Variants in HTT observed in about 807,000 individuals in gnomAD.
HTT encodes the protein huntingtin, also known as huntington disease protein.
Under a neutral mutation model 362.3 loss-of-function variants are expected in HTT, and 104 were observed. The ratio of observed to expected loss-of-function variants is 0.29; its 90% CI spans 0.24 to 0.34. The LOEUF is 0.34. Ranked by LOEUF, HTT falls within the 10% of genes least tolerant of loss-of-function variation. The pLI is 1.00. For missense variants in HTT, 3,301 were observed against 3,928.6 expected (o/e 0.84, Z 4.27); for synonymous variants, 1,577 against 1,548.7 (o/e 1.02, Z -0.43).
intron 29 of HTT, among the ~76,000 whole-genome samples, chr4:3,161,944 A>G (rs1717468276): frequency 6.6e-6 from 1 of 152,138 alleles, no homozygotes; most frequent in Non-Finnish European, 1.5e-5. Context: ...CCGTTTGTCA[A>G]TTTTGGCTTT....
At position 3,211,926 on chromosome 4, in the gene HTT, CAGG is replaced by C; in HGVS notation, c.6415_6417del (p.Glu2139del). ...TTGTTAACCTTTAATGCTCTGATTT[CAGG>C]AGTTCAACCTAAGCCTGCTAGCTCC... On this transcript the variant is annotated splice_acceptor_variant and coding_sequence_variant, in exon 48 of 67. Coordinates refer to ENST00000355072, the MANE Select transcript of HTT (RefSeq NM_001388492.1). LOFTEE classifies it high-confidence loss of function. The C allele has an allele frequency of 6.2e-7, 1 of 1,610,416 alleles. No individual in the cohort carries two copies. Among genetic ancestry groups the C allele is most frequent in the Non-Finnish European group, 8.5e-7 (1 of 1,176,680 alleles).
chr4:3,206,573 C>A lies in HTT; in HGVS notation c.5796C>A (p.His1932Gln). 1 of 1,614,072 alleles carries A rather than the reference C, an allele frequency of 6.2e-7. No homozygotes were observed. The highest frequency in any genetic ancestry group is 8.5e-7 in the Non-Finnish European group (1 of 1,179,956). Residue 1932 changes from histidine to glutamine, a missense_variant, in exon 43 of 67, where the codon CAC becomes CAA. Around this residue, in one of 4 missense-constraint regions of HTT, gnomAD observed 2,316 missense variants for 2,658.5 expected, o/e 0.87. Transcript: ENST00000355072. This position sits in a 1 kb window ranked among gnomAD's most constrained non-coding sequence, Gnocchi z 4.6. ...NHIQDLISLS[H>Q]EPPVQDFISA... ...TTCAAGATCTGATCAGCCTTTCCCACGAGCCTCCAGTACAGGACTTCATCA... is the reference window on the plus strand; with the variant it reads ...TTCAAGATCTGATCAGCCTTTCCCAAGAGCCTCCAGTACAGGACTTCATCA...
At chr4:3,225,359 C>G (rs1187329128) in intron 56 of HTT, among the ~76,000 whole-genome samples, 1 of 152,222 alleles carries the variant, frequency 6.6e-6, no homozygotes, top group Non-Finnish European at 1.5e-5. Flanking sequence ...AGCCCACAAC[C>G]AGTTCCTATT....
chr4:3,119,129 T>C (rs997351317), intron 8 of HTT, among the ~76,000 whole-genome samples: 7 of 152,234 alleles, frequency 4.6e-5, no homozygotes, highest in Admixed American at 3.9e-4. Flanking sequence ...CACCTAGGCA[T>C]GCAGTAAAAG....
intron 59 of HTT, among the ~76,000 whole-genome samples, chr4:3,229,336 GCAC>G (rs1721105314): frequency 1.7e-5 from 2 of 117,412 alleles, no homozygotes; most frequent in African/African-American, 6.9e-5. Flanking sequence ...CACACCACAT[GCAC>G]CACACCACAC....
intron 26 of HTT, among the ~76,000 whole-genome samples, chr4:3,149,721 T>G (rs1716785671): frequency 6.6e-6 from 1 of 152,210 alleles, no homozygotes; most frequent in Non-Finnish European, 1.5e-5. Flanking sequence ...GCCATCAGTC[T>G]TCTCCCTTCT....
rs1712401194 is a variant in HTT, at chr4:3,074,923, A to AGCG, written c.100_101insGGC (p.Gln33_Gln34insArg). ...CAGCAGCAGCAGCAGCAGCAGCAGC[A>AGCG]GCAGCAGCAGCAACAGCCGCCACCG... On this transcript the variant is annotated inframe_insertion, in exon 1 of 67. Coordinates refer to ENST00000355072, the MANE Select transcript of HTT (RefSeq NM_001388492.1). 6.8e-7 allele frequency: 1 copy of AGCG among 1,468,668 alleles called. No homozygotes were observed. The highest frequency in any genetic ancestry group is 2.1e-5 in the Admixed American group (1 of 47,448). The allele number at this position is 1,468,668 out of a possible 1,614,324, so 91.0% of individuals were successfully genotyped here.
intron 28 of HTT, among the ~76,000 whole-genome samples, chr4:3,160,053 C>G (rs538859377): frequency 6.6e-6 from 1 of 152,296 alleles, no homozygotes; most frequent in South Asian, 2.1e-4. Context: ...CCAGTGTAAC[C>G]TGAAAGCCTT....
At chr4:3,230,423 C>T (rs941216546) in intron 60 of HTT, among the ~76,000 whole-genome samples, 2 of 152,184 alleles carry the variant, frequency 1.3e-5, no homozygotes, top group African/African-American at 2.4e-5. Context: ...GCCTCACTCC[C>T]CTTCTCAGTT....
rs776065368 is a variant in HTT at position 3,238,910 on chromosome 4, C to T, written c.9147C>T (p.Val3049=). ...CCAACTTCACGCAGAGGGCCCCGGTCGCCATGGCCACGTGGAGCCTCTCCT... is the reference window on the plus strand; with the variant it reads ...CCAACTTCACGCAGAGGGCCCCGGTTGCCATGGCCACGTGGAGCCTCTCCT... The part of the protein sequence containing the change: ...SLSNFTQRAP[V]AMATWSLSCF... The change falls in exon 66 of 67, where the codon GTC becomes GTT. Residue 3049 remains valine, a synonymous_variant. Coordinates refer to ENST00000355072, the MANE Select transcript of HTT (RefSeq NM_001388492.1). The T allele has an allele frequency of 3.1e-6, 5 of 1,611,408 alleles. 1 individual carries two copies. The highest frequency in any genetic ancestry group is 1.3e-5 in the African/African-American group (1 of 75,012).
chr4:3,174,339 T>G (rs1718131337), intron 31 of HTT, among the ~76,000 whole-genome samples: 1 of 152,240 alleles, frequency 6.6e-6, no homozygotes, highest in African/African-American at 2.4e-5. Flanking sequence ...ATGTAAATAT[T>G]TTAAAGGCTT....
At chr4:3,224,593 C>G (rs1720822961) in intron 56 of HTT, among the ~76,000 whole-genome samples, 4 of 152,168 alleles carry the variant, frequency 2.6e-5, no homozygotes, top group Admixed American at 2.6e-4. Flanking sequence ...TCCCACCAAG[C>G]CTTCCGGTTG....
intron 51 of HTT, among the ~76,000 whole-genome samples, chr4:3,215,983 C>T (rs929290337): frequency 2.6e-5 from 4 of 152,204 alleles, no homozygotes; most frequent in African/African-American, 4.8e-5. Context: ...GGTGCCTCAC[C>T]TGGAGCCTGT....
chr4:3,208,437 A>G (rs1312939273), intron 45 of HTT, among the ~76,000 whole-genome samples: 3 of 152,236 alleles, frequency 2.0e-5, no homozygotes, highest in Non-Finnish European at 2.9e-5. Context: ...TCTGTTTTAC[A>G]TTTATTAAGA....
intron 18 of HTT, among the ~76,000 whole-genome samples, chr4:3,133,800 C>G (rs890269954): frequency 5.3e-5 from 8 of 152,186 alleles, no homozygotes; most frequent in Non-Finnish European, 1.0e-4. Flanking sequence ...TCATGCCTGA[C>G]AGTAATTTCT....
chr4:3,155,897 CAAAA>C (rs544532624), intron 27 of HTT, among the ~76,000 whole-genome samples: 5 of 84,584 alleles, frequency 5.9e-5, no homozygotes, highest in Non-Finnish European at 2.6e-5. Context: ...GACTCCGTCT[CAAAA>C]AAAAAAAAAA....
chr4:3,117,855 A>G (rs1018364172), intron 8 of HTT, among the ~76,000 whole-genome samples: 10 of 152,134 alleles, frequency 6.6e-5, no homozygotes, highest in Non-Finnish European at 2.9e-5. Flanking sequence ...CTGCAAAACA[A>G]CGTCACAAAA....
intron 3 of HTT, among the ~76,000 whole-genome samples, chr4:3,100,352 G>A (rs759799786): frequency 6.6e-6 from 1 of 152,156 alleles, no homozygotes; most frequent in South Asian, 2.1e-4. Flanking sequence ...GATGGGTGTG[G>A]CACTGCTTCT....
intron 63 of HTT, 22 bp downstream of exon 63, chr4:3,235,800 A>G (rs983253410): frequency 3.2e-6 from 5 of 1,575,116 alleles, no homozygotes; most frequent in East Asian, 2.3e-5. Flanking sequence ...CACGGTGCCC[A>G]TAAGGCCAGC....
Sources: gnomAD v4.1 joint callset for allele counts (sites outside exome capture counted in the v4.1 genomes callset) on GRCh38, gnomAD v4.1.1 for gene constraint, gnomAD v4.1.1 regional missense constraint, Gnocchi (gnomAD v3.1) non-coding constraint, MANE v1.5 for transcripts, NCBI Gene and HGNC (gene_info 2026-07-23, HGNC 2026-07-21) for gene names.